IL13RA2: variants seen among roughly 807,000 people sequenced by gnomAD.
The protein encoded by IL13RA2 is interleukin-13 receptor subunit alpha-2.
A neutral mutation model predicts 34.1 loss-of-function variants in IL13RA2; 25 were observed. That is an observed-to-expected ratio of 0.73 (90% CI 0.53 to 1.03). IL13RA2 has a LOEUF of 1.03. IL13RA2 is among the 50% of genes least tolerant of loss of function. The pLI, the probability that IL13RA2 is intolerant of heterozygous loss-of-function variation, is 0.00. For missense variants in IL13RA2, 297 were observed against 280.9 expected (o/e 1.06, Z -0.41); for synonymous variants, 106 against 100.4 (o/e 1.06, Z -0.33).
At chrX:115,010,159 C>G (rs2071700548) in intron 6 of IL13RA2, among the ~76,000 whole-genome samples, 2 of 110,981 alleles carry the variant, frequency 1.8e-5, no homozygotes, top group South Asian at 7.6e-4. Context: ...AGTAACTTGC[C>G]CAAAGTCACA....
At position 115,009,705 on chromosome X, in the gene IL13RA2, T is replaced by C. The variant is rs782104139; in HGVS notation, c.707-39A>G. On this transcript the variant is annotated intron_variant, in intron 6 of 9. Coordinates refer to ENST00000243213, the MANE Select transcript of IL13RA2 (RefSeq NM_000640.3). ...GAGAACCATTTCAACACGGAGATTG[T>C]TGAAGTTTAGCAGTAGCCTTTATCC... The C allele has an allele frequency of 4.3e-6, 5 of 1,170,864 alleles. No homozygotes were observed. The South Asian group carries it at 9.1e-5, about 21-fold the overall frequency.
At chrX:115,007,515 T>C (rs1051006894) in intron 8 of IL13RA2, among the ~76,000 whole-genome samples, 3 of 111,941 alleles carry the variant, frequency 2.7e-5, no homozygotes, top group African/African-American at 9.7e-5. Context: ...TATTTTACTA[T>C]TCATGACCTT....
intron 8 of IL13RA2, among the ~76,000 whole-genome samples, chrX:115,007,145 G>T (rs1246189184): frequency 8.9e-6 from 1 of 111,778 alleles, no homozygotes; most frequent in Non-Finnish European, 1.9e-5. Flanking sequence ...AATATTTGAT[G>T]AATGAAAGGG....
intron 6 of IL13RA2, 21 bp downstream of exon 6, chrX:115,010,623 T>C: frequency 1.5e-6 from 1 of 681,957 alleles, no homozygotes; most frequent in South Asian, 3.3e-5. Context: ...GAATTTGAAG[T>C]TGTTTGTTGG....
chrX:115,013,744 G>T (rs781907231), intron 5 of IL13RA2, 25 bp downstream of exon 5: 3 of 856,526 alleles, frequency 3.5e-6, no homozygotes, highest in South Asian at 4.5e-5. Context: ...TTTTAATATG[G>T]AATTCTAATT....
chrX:115,015,327 G>A (rs1285799312), intron 3 of IL13RA2, among the ~76,000 whole-genome samples: 1 of 111,870 alleles, frequency 8.9e-6, no homozygotes, highest in Admixed American at 9.5e-5. Flanking sequence ...AAAGGTCACA[G>A]GTCAGTAGCA....
rs782696205 is a variant in IL13RA2, at chrX:115,005,199, T to C, written c.1114A>G (p.Met372Val). The C allele has an allele frequency of 8.0e-6, 7 of 872,285 alleles. No homozygotes were observed. Among genetic ancestry groups the C allele is most frequent in the Non-Finnish European group, 1.2e-5 (7 of 586,403 alleles). 71.9% of individuals were successfully genotyped at this position (872,285 alleles called of 1,213,427 possible). Reference protein sequence around the residue: ...LLRKPNTYPKMIPEFFCDT With the variant: ...LLRKPNTYPKVIPEFFCDT Reference sequence around the variant, plus strand: ...CATCATAATGTTACACATCTTACCATTTTTGGGTAGGTGTTTGGCTTACGC... The same window carrying C: ...CATCATAATGTTACACATCTTACCACTTTTGGGTAGGTGTTTGGCTTACGC... The change falls in exon 9 of 10, where the codon ATG (methionine) becomes GTG (valine). Residue 372 changes from methionine to valine, a missense_variant and splice_region_variant. Coordinates refer to ENST00000243213, the MANE Select transcript of IL13RA2 (RefSeq NM_000640.3).
rs188186591 is a variant in IL13RA2, at chrX:115,010,203, C to A, written c.706+441G>T. Among the ~76,000 whole-genome samples the A allele has an allele frequency of 3.0e-3, 334 of 110,858 alleles. 2 individuals are homozygous for A. Among genetic ancestry groups the A allele is most frequent in the African/African-American group, 0.01 (316 of 30,526 alleles). Reference sequence around the variant, plus strand: ...AAAATGGTAGATCTAAGATTTAAACCCAGGTCTGGCAGACTCTAGAACCCA... The same window carrying A: ...AAAATGGTAGATCTAAGATTTAAACACAGGTCTGGCAGACTCTAGAACCCA... On this transcript the variant is annotated intron_variant, in intron 6 of 9. Coordinates refer to ENST00000243213, the MANE Select transcript of IL13RA2 (RefSeq NM_000640.3).
chrX:115,014,987 A>C (rs142548577), intron 3 of IL13RA2, among the ~76,000 whole-genome samples: 1,145 of 111,494 alleles, frequency 0.01, 14 homozygotes, highest in South Asian at 0.021. Flanking sequence ...TAACCAGAAA[A>C]ATACAGACAA....
chrX:115,010,854 G>A lies in IL13RA2; in HGVS notation c.522-26C>T, dbSNP rs368881396. 6 of 783,348 alleles carry A rather than the reference G, an allele frequency of 7.7e-6. No individual in the cohort carries two copies. The Admixed American group carries it at 1.5e-4, about 20-fold the overall frequency. The allele number at this position is 783,348 out of a possible 1,213,427, so 64.6% of individuals were successfully genotyped here. Reference sequence around the variant, plus strand: ...CTGTAAAATGAGTGTTGTGAGAATTGTGTTTAAATAACAATCTTTTCCAGT... The same window carrying A: ...CTGTAAAATGAGTGTTGTGAGAATTATGTTTAAATAACAATCTTTTCCAGT... On this transcript the variant is annotated intron_variant, in intron 5 of 9. Coordinates refer to ENST00000243213, the MANE Select transcript of IL13RA2 (RefSeq NM_000640.3).
intron 4 of IL13RA2, 52 bp downstream of exon 4, chrX:115,014,369 C>T: frequency 1.2e-5 from 11 of 954,240 alleles, no homozygotes; most frequent in Non-Finnish European, 1.6e-5. Context: ...GACTTATTCC[C>T]AAATGAATTG....
chrX:115,014,717 C>G, intron 3 of IL13RA2, 143 bp from the exon 4 acceptor site: 1 of 333,489 alleles, frequency 3.0e-6, no homozygotes, highest in South Asian at 1.4e-4. Flanking sequence ...GATACAATGC[C>G]ACAGATACAT....
chrX:115,013,770 A>G lies in IL13RA2; in HGVS notation c.520T>C (p.Trp174Arg). 4.9e-6 allele frequency: 5 copies of G among 1,030,053 alleles called. No individual in the cohort carries two copies. The highest frequency in any genetic ancestry group is 6.8e-6 in the Non-Finnish European group (5 of 739,700). The allele number at this position is 1,030,053 out of a possible 1,213,427, so 84.9% of individuals were successfully genotyped here. A position where few individuals can be genotyped will look rare whatever the true frequency, so the allele number is the denominator to read the frequency against. Residue 174 changes from tryptophan (W) to arginine (R), a missense_variant and splice_region_variant, in exon 5 of 10, where the codon TGG (tryptophan) becomes CGG (arginine). Physicochemically the swap from Trp to Arg is moderately radical, Grantham distance 101. Coordinates refer to ENST00000243213, the MANE Select transcript of IL13RA2 (RefSeq NM_000640.3). ...AATTCTAATTATAAAAATACTTACC[A>G]GTAAAACAAGTTGTAATTGGTATCA... ...LLDTNYNLFY[W>R]YEGLDHALQC...
At position 115,013,871 on chromosome X, in the gene IL13RA2, A is replaced by C; in HGVS notation, c.419T>G (p.Val140Gly). 2 of 1,045,417 alleles carry C rather than the reference A, an allele frequency of 1.9e-6. No individual in the cohort carries two copies. The highest frequency in any genetic ancestry group is 2.7e-6 in the Non-Finnish European group (2 of 746,302). 86.2% of individuals were successfully genotyped at this position (1,045,417 alleles called of 1,213,427 possible). The part of the protein sequence containing the change: ...ISPQGIPETK[V>G]QDMDCVYYNW... ...GTAATATACGCAATCCATATCCTGA[A>C]CTTTAGTTTCTGGAATTCCTAAGGA... The change falls in exon 5 of 10, where the codon GTT (valine) becomes GGT (glycine). Residue 140 changes from valine to glycine, a missense_variant. By Grantham distance (109) the Val-to-Gly change is moderately radical. Transcript: ENST00000243213.
At chrX:115,007,497 T>C (rs1364185355) in intron 8 of IL13RA2, among the ~76,000 whole-genome samples, 1 of 112,080 alleles carries the variant, frequency 8.9e-6, no homozygotes, top group Non-Finnish European at 1.9e-5. Context: ...GTGAATGGAA[T>C]GAATATGTAT....
chrX:115,013,933 G>T, intron 4 of IL13RA2, 44 bp from the exon 5 acceptor site: 1 of 895,603 alleles, frequency 1.1e-6, no homozygotes. Flanking sequence ...GCTTGGTGAT[G>T]AATCATTTGT....
chrX:115,008,727 A>G (rs2071694422), intron 7 of IL13RA2, among the ~76,000 whole-genome samples: 1 of 111,753 alleles, frequency 8.9e-6, no homozygotes, highest in Non-Finnish European at 1.9e-5. Flanking sequence ...AATTATTTCA[A>G]TTTTGCATTT....
Position 115,017,205 on chromosome X carries a change from C to T in IL13RA2, c.65G>A (p.Cys22Tyr). Residue 22 changes from cysteine (C) to tyrosine (Y), a missense_variant, in exon 2 of 10, where the codon TGT (cysteine) becomes TAT (tyrosine). Physicochemically the swap from Cys to Tyr is radical, Grantham distance 194. Coordinates refer to ENST00000243213, the MANE Select transcript of IL13RA2 (RefSeq NM_000640.3). ...TATCTCGGTGTCTGAAGATGAAGTA[C>T]AGCCAAATGTTGTGCTTATCAGAAA... Reference protein sequence around the residue: ...YTFLISTTFGCTSSSDTEIKV... With the variant: ...YTFLISTTFGYTSSSDTEIKV... 1 of 953,454 alleles carries T rather than the reference C, an allele frequency of 1.0e-6. No homozygotes were observed. The highest frequency in any genetic ancestry group is 1.5e-6 in the Non-Finnish European group (1 of 664,441). The allele number at this position is 953,454 out of a possible 1,213,427, so 78.6% of individuals were successfully genotyped here. A position where few individuals can be genotyped will look rare whatever the true frequency, so the allele number is the denominator to read the frequency against.
intron 7 of IL13RA2, among the ~76,000 whole-genome samples, chrX:115,009,088 G>T (rs2071695850): frequency 9.0e-6 from 1 of 111,550 alleles, no homozygotes; most frequent in Non-Finnish European, 1.9e-5. Context: ...AATTAGTCTT[G>T]CAACCATTGC....
Sources: gnomAD v4.1 joint callset for allele counts (sites outside exome capture counted in the v4.1 genomes callset) on GRCh38, gnomAD v4.1.1 for gene constraint, MANE v1.5 for transcripts, NCBI Gene and HGNC (gene_info 2026-07-23, HGNC 2026-07-21) for gene names.